Variants in CDKAL1 observed in about 807,000 individuals in gnomAD.
CDKAL1 encodes the protein threonylcarbamoyladenosine tRNA methylthiotransferase.
In CDKAL1, 32 loss-of-function variants were observed where a neutral mutation model predicts 68.2. The observed-to-expected ratio is 0.47, with a 90% CI of 0.35 to 0.63. The LOEUF is 0.63. CDKAL1 is among the 30% of genes least tolerant of loss of function. CDKAL1 has a pLI of 0.00. For synonymous variants in CDKAL1, 234 were observed against 244.3 expected (o/e 0.96, Z 0.39); for missense variants, 606 against 696.7 (o/e 0.87, Z 1.47).
At chr6:20,856,821 T>C (rs1759361059) in intron 9 of CDKAL1, among the ~76,000 whole-genome samples, 2 of 152,222 alleles carry the variant, frequency 1.3e-5, no homozygotes, top group Non-Finnish European at 2.9e-5. Flanking sequence ...AAAGTGATAC[T>C]GCTACCTGGT....
rs186363342 is a variant in CDKAL1, at chr6:20,824,345, C to G, written c.639-21730C>G. Among the ~76,000 whole-genome samples, 170 of 152,274 alleles carry G rather than the reference C, an allele frequency of 1.1e-3. 1 individual carries two copies. Among genetic ancestry groups the G allele is most frequent in the Admixed American group, 2.5e-3 (38 of 15,282 alleles). ...GCTTAAAACAGCACACATTTATTAT[C>G]TCACAGCATCTGTGAGTCAATAGCT... is the stretch of plus-strand genomic sequence containing the variant. On this transcript the variant is annotated intron_variant, in intron 8 of 15. Transcript: ENST00000274695.
intron 8 of CDKAL1, among the ~76,000 whole-genome samples, chr6:20,786,311 T>G (rs1470584563): frequency 1.3e-5 from 2 of 152,122 alleles, no homozygotes; most frequent in East Asian, 1.9e-4. Flanking sequence ...GTATAAATTT[T>G]GGATGGGCAC....
intron 15 of CDKAL1, among the ~76,000 whole-genome samples, chr6:21,205,700 G>GT (rs1179227141): frequency 6.8e-6 from 1 of 146,136 alleles, no homozygotes; most frequent in African/African-American, 2.5e-5. Flanking sequence ...CCAGCTAATT[G>GT]TTTTGTATTT....
intron 4 of CDKAL1, among the ~76,000 whole-genome samples, chr6:20,561,357 G>A (rs769407454): frequency 1.1e-4 from 16 of 147,420 alleles, no homozygotes; most frequent in Admixed American, 2.8e-4. Context: ...CATGAGAATC[G>A]CTTGAACCCA....
chr6:21,208,194 A>C (rs1165662744), intron 15 of CDKAL1, among the ~76,000 whole-genome samples: 1 of 152,108 alleles, frequency 6.6e-6, no homozygotes, highest in African/African-American at 2.4e-5. Flanking sequence ...GCCCTGACAC[A>C]GCCGACCGCG....
chr6:20,617,611 C>A (rs2127729232), intron 4 of CDKAL1, among the ~76,000 whole-genome samples: 1 of 152,188 alleles, frequency 6.6e-6, no homozygotes, highest in South Asian at 2.1e-4. Flanking sequence ...TGTTCCCCAC[C>A]CTATGTCTGA....
At chr6:20,571,666 A>G (rs1268294839) in intron 4 of CDKAL1, among the ~76,000 whole-genome samples, 1 of 151,990 alleles carries the variant, frequency 6.6e-6, no homozygotes, top group Non-Finnish European at 1.5e-5. Flanking sequence ...GGGAGTGAAA[A>G]TTATTTGACT....
At chr6:20,735,264 G>A (rs764059617) in intron 5 of CDKAL1, among the ~76,000 whole-genome samples, 25 of 152,140 alleles carry the variant, frequency 1.6e-4, no homozygotes, top group Non-Finnish European at 2.5e-4. Context: ...TCATTCTCAT[G>A]CTACAAATAA....
intron 10 of CDKAL1, among the ~76,000 whole-genome samples, chr6:20,979,115 A>G (rs1485728176): frequency 6.6e-6 from 1 of 152,240 alleles, no homozygotes; most frequent in Non-Finnish European, 1.5e-5. Flanking sequence ...AAATGTAAGT[A>G]TAAACAATCT....
chr6:20,549,781 A>G (rs1477625645), intron 4 of CDKAL1, among the ~76,000 whole-genome samples: 2 of 149,928 alleles, frequency 1.3e-5, no homozygotes, highest in Non-Finnish European at 3.0e-5. Flanking sequence ...TAACTTTTGT[A>G]TTTTTAGTAG....
chr6:21,217,477 TTTTATTTTTATTTA>T (rs370839643), intron 15 of CDKAL1, among the ~76,000 whole-genome samples: 4,765 of 150,226 alleles, frequency 0.032, 217 homozygotes, highest in African/African-American at 0.095. Context: ...ATTTTTTATT[TTTTATTTTTATTTA>T]TTTATTTTTA....
intron 13 of CDKAL1, among the ~76,000 whole-genome samples, chr6:21,192,015 TTTTTTTTTTTTTTTTTTG>T (rs1778267762): frequency 1.1e-5 from 1 of 88,388 alleles, no homozygotes; most frequent in African/African-American, 4.3e-5. Flanking sequence ...TTTTTTTTTT[TTTTTTTTTTTTTTTTTTG>T]AGACGGAGTC....
intron 11 of CDKAL1, among the ~76,000 whole-genome samples, chr6:21,020,421 C>T (rs140950835): frequency 6.6e-6 from 1 of 152,078 alleles, no homozygotes; most frequent in African/African-American, 2.4e-5. Context: ...TTAGAGTTCA[C>T]AGGTTCACAG....
chr6:20,794,481 T>G (rs1776029979), intron 8 of CDKAL1, among the ~76,000 whole-genome samples: 1 of 152,078 alleles, frequency 6.6e-6, no homozygotes, highest in Admixed American at 6.6e-5. Context: ...GAAAAAACCC[T>G]TTTAATTAGG....
intron 10 of CDKAL1, among the ~76,000 whole-genome samples, chr6:20,978,919 T>C (rs1054606240): frequency 1.3e-5 from 2 of 152,216 alleles, no homozygotes; most frequent in Non-Finnish European, 2.9e-5. Context: ...ATTTGCCTCA[T>C]TATGTGACCT....
intron 10 of CDKAL1, among the ~76,000 whole-genome samples, chr6:20,972,783 G>C (rs1332626234): frequency 1.3e-5 from 2 of 152,184 alleles, no homozygotes; most frequent in Non-Finnish European, 2.9e-5. Flanking sequence ...ATTGTTTGCT[G>C]TCAGGGCCAG....
chr6:20,984,732 C>T (rs750734118), intron 10 of CDKAL1, among the ~76,000 whole-genome samples: 10 of 150,750 alleles, frequency 6.6e-5, no homozygotes, highest in African/African-American at 2.0e-4. Context: ...TTCTCTCTGA[C>T]GTCCAACTAC....
chr6:20,785,239 C>T (rs1775617662), intron 8 of CDKAL1, among the ~76,000 whole-genome samples: 6 of 152,076 alleles, frequency 3.9e-5, no homozygotes, highest in Admixed American at 3.9e-4. Flanking sequence ...TTATCACTTG[C>T]TCTCACATGA....
intron 9 of CDKAL1, among the ~76,000 whole-genome samples, chr6:20,910,941 C>G (rs1213837227): frequency 6.6e-6 from 1 of 152,174 alleles, no homozygotes; most frequent in Non-Finnish European, 1.5e-5. Flanking sequence ...AAAGCTAGGG[C>G]AGAGGCCTGG....
Sources: gnomAD v4.1 joint callset for allele counts (sites outside exome capture counted in the v4.1 genomes callset) on GRCh38, gnomAD v4.1.1 for gene constraint, MANE v1.5 for transcripts, NCBI Gene and HGNC (gene_info 2026-07-23, HGNC 2026-07-21) for gene names.